The following DDX46 variants were observed in gnomAD, a reference collection of about 807,000 sequenced individuals.
DDX46 encodes the protein probable ATP-dependent RNA helicase DDX46.
DDX46 carries 30 observed loss-of-function variants against 134.9 expected under a neutral mutation model. The observed-to-expected ratio is 0.22, with a 90% CI of 0.17 to 0.30. The LOEUF is 0.30. Ranked by LOEUF, DDX46 falls within the 10% of genes least tolerant of loss-of-function variation. The pLI is 1.00. For missense variants in DDX46, 622 were observed against 1,248.7 expected, an observed-to-expected ratio of 0.50 and a Z score of 7.56; for synonymous variants, 415 against 404.1, an observed-to-expected ratio of 1.03 and a Z score of -0.32.
In DDX46 at chr5:134,807,854, T is replaced by C; in HGVS notation, c.2061T>C (p.His687=). ...SVAARGLDVK[H]LILVVNYSCP... is the part of the protein sequence containing the mutation. Reference sequence around the variant, plus strand: ...CTGCCCGAGGTCTAGATGTGAAACATCTGATTCTTGTAGTAAATTATAGCT... The same window carrying C: ...CTGCCCGAGGTCTAGATGTGAAACACCTGATTCTTGTAGTAAATTATAGCT... Residue 687 remains histidine (H), a synonymous_variant, in exon 16 of 23, where the codon CAT becomes CAC. Transcript: ENST00000452510. The C allele has an allele frequency of 6.2e-7, 1 of 1,614,212 alleles. No homozygotes were observed. Among genetic ancestry groups the C allele is most frequent in the Middle Eastern group, 1.6e-4 (1 of 6,062 alleles).
intron 4 of DDX46, 138 bp from the exon 5 acceptor site, chr5:134,773,558 G>A (rs1753840182): frequency 2.1e-5 from 17 of 821,078 alleles, no homozygotes; most frequent in Middle Eastern, 6.1e-4. Context: ...AGTCTACCCT[G>A]AGGGGTTTGT....
At chr5:134,828,636 A>G (rs750092343) in intron 22 of DDX46, 23 bp from the exon 23 acceptor site, 55 of 1,444,702 alleles carry the variant, frequency 3.8e-5, no homozygotes, top group Admixed American at 7.7e-5. Context: ...CTCTGATGAC[A>G]TATCTTTTAT....
intron 6 of DDX46, chr5:134,780,654 G>A (rs1035326037): frequency 2.0e-5 from 3 of 150,930 alleles, no homozygotes; most frequent in Admixed American, 1.3e-4. Context: ...ATGAATGGAT[G>A]TATTATAAAA....
intron 18 of DDX46, 41 bp from the exon 19 acceptor site, chr5:134,816,389 A>G (rs769644100): frequency 6.5e-7 from 1 of 1,526,740 alleles, no homozygotes; most frequent in East Asian, 2.3e-5. Context: ...TGGTATTTCT[A>G]ATTCAGTTTT....
intron 15 of DDX46, among the ~76,000 whole-genome samples, chr5:134,803,117 C>T (rs1754880650): frequency 6.6e-6 from 1 of 152,130 alleles, no homozygotes; most frequent in South Asian, 2.1e-4. Flanking sequence ...CCTCAGTCTC[C>T]CAAGTAGCTG....
chr5:134,763,993 A>G lies in DDX46; in HGVS notation c.107A>G (p.Asp36Gly), dbSNP rs1175662995. The change falls in exon 2 of 23, where the codon GAT becomes GGT. Residue 36 changes from aspartate to glycine, a missense_variant. Coordinates refer to ENST00000452510, the MANE Select transcript of DDX46 (RefSeq NM_001300860.2). Reference protein sequence around the residue: ...SPSDKRSKRGDDRRSRSRDRD... With the variant: ...SPSDKRSKRGGDRRSRSRDRD... ...TCAGACAAAAGAAGTAAACGTGGAG[A>G]TGACAGACGGTCTAGAAGTAGAGAT... 2.5e-6 allele frequency: 4 copies of G among 1,614,088 alleles called. No individual in the cohort carries two copies. Among genetic ancestry groups the G allele is most frequent in the Non-Finnish European group, 2.5e-6 (3 of 1,180,050 alleles).
chr5:134,803,915 CTTCTTTTTTTTTT>C (rs1330331806), intron 15 of DDX46, among the ~76,000 whole-genome samples: 1 of 117,210 alleles, frequency 8.5e-6, no homozygotes, highest in African/African-American at 3.3e-5. Flanking sequence ...GATGATGATT[CTTCTTTTTTTTTT>C]TTTTTTTTTT....
chr5:134,770,171 A>G (rs887070880), intron 3 of DDX46, among the ~76,000 whole-genome samples: 1 of 149,756 alleles, frequency 6.7e-6, no homozygotes, highest in Non-Finnish European at 1.5e-5. Flanking sequence ...TACTGAGCTT[A>G]CAGGCATGAG....
intron 15 of DDX46, among the ~76,000 whole-genome samples, chr5:134,806,609 A>G (rs186844899): frequency 5.4e-4 from 83 of 152,308 alleles, no homozygotes; most frequent in Non-Finnish European, 9.3e-4. Context: ...TTCTTTGACA[A>G]TGATTCAAAT....
At position 134,805,628 on chromosome 5, in the gene DDX46, A is replaced by G. The variant is rs373817297; in HGVS notation, c.1955-2120A>G. 4.6e-5 allele frequency among the ~76,000 whole-genome samples: 7 copies of G among 151,640 alleles called. No homozygotes were observed. In the East Asian group the frequency reaches 7.8e-4, roughly 17 times the overall value. ...ACGGCAATTTCCACCTCCCAGGTTC[A>G]AGCAATTCTCCTGCTTCAGCCTTCT... is the stretch of plus-strand genomic sequence containing the variant. On this transcript the variant is annotated intron_variant, in intron 15 of 22. Transcript: ENST00000452510.
intron 1 of DDX46, among the ~76,000 whole-genome samples, chr5:134,759,517 GCTTTTCTGTC>G (rs1753312215): frequency 6.6e-6 from 1 of 152,112 alleles, no homozygotes; most frequent in Admixed American, 6.5e-5. Context: ...TTTGTTACCT[GCTTTTCTGTC>G]CTTTTGAAGT....
intron 16 of DDX46, among the ~76,000 whole-genome samples, chr5:134,809,917 G>T (rs1417347572): frequency 1.3e-5 from 2 of 152,090 alleles, no homozygotes; most frequent in African/African-American, 4.8e-5. Flanking sequence ...GGAGGCTGAG[G>T]CAGGAGAATA....
intron 11 of DDX46, among the ~76,000 whole-genome samples, chr5:134,786,898 T>TTTG (rs141573785): frequency 0.25 from 37,219 of 150,962 alleles, 5,728 homozygotes; most frequent in African/African-American, 0.43. Context: ...TCAGAGGTGT[T>TTTG]TTGTTGTTGT....
At chr5:134,814,421 T>G (rs1755231654) in intron 18 of DDX46, among the ~76,000 whole-genome samples, 1 of 152,220 alleles carries the variant, frequency 6.6e-6, no homozygotes, top group Admixed American at 6.5e-5. Flanking sequence ...TAAACAGTAC[T>G]TAACACGAAT....
chr5:134,810,394 A>C (rs1344594071), intron 16 of DDX46, among the ~76,000 whole-genome samples: 1 of 150,414 alleles, frequency 6.6e-6, no homozygotes, highest in Admixed American at 6.6e-5. Flanking sequence ...ACTGGAGTGC[A>C]TTGGCGCCAT....
At chr5:134,803,933 T>C (rs1177953322) in intron 15 of DDX46, among the ~76,000 whole-genome samples, 1 of 130,698 alleles carries the variant, frequency 7.7e-6, no homozygotes, top group East Asian at 2.6e-4. Context: ...TTTTTTTTTT[T>C]TTTTTTTTTG....
At chr5:134,804,563 C>G (rs537484166) in intron 15 of DDX46, among the ~76,000 whole-genome samples, 138 of 152,126 alleles carry the variant, frequency 9.1e-4, no homozygotes, top group African/African-American at 3.3e-3. Flanking sequence ...CTCAGCCACC[C>G]GAGGAGTTGG....
chr5:134,797,505 A>G (rs866454536), intron 15 of DDX46, among the ~76,000 whole-genome samples: 1 of 152,208 alleles, frequency 6.6e-6, no homozygotes, highest in African/African-American at 2.4e-5. Context: ...GGGCCTCTCT[A>G]TGAGGCTGCT....
intron 1 of DDX46, among the ~76,000 whole-genome samples, chr5:134,763,402 C>T (rs73790704): frequency 0.01 from 1,527 of 152,220 alleles, 22 homozygotes; most frequent in African/African-American, 0.035. Flanking sequence ...CACGCTGTGT[C>T]ACTCTTTCAA....
Sources: allele counts gnomAD v4.1 joint callset (sites outside exome capture counted in the v4.1 genomes callset), GRCh38; gene constraint gnomAD v4.1.1; transcripts MANE v1.5; gene names NCBI Gene and HGNC (gene_info 2026-07-23, HGNC 2026-07-21).